NEMP2: variants seen among roughly 807,000 people sequenced by gnomAD.
NEMP2 encodes the protein nuclear envelope integral membrane protein 2, also known as UPF0571 transmembrane protein.
NEMP2 carries 53 observed loss-of-function variants against 54.2 expected under a neutral mutation model. That is an observed-to-expected ratio of 0.98 (90% CI 0.78 to 1.23). The LOEUF is 1.23. NEMP2 is among the 50% of genes most tolerant of loss of function. NEMP2 has a pLI of 0.00. For synonymous variants in NEMP2, 197 were observed against 190.3 expected, an observed-to-expected ratio of 1.04 and a Z score of -0.29; for missense variants, 455 against 511.3, an observed-to-expected ratio of 0.89 and a Z score of 1.06.
rs1180656930 is a variant in NEMP2 at position 190,512,922 on chromosome 2, C to G, written c.953+1531G>C. Among the ~76,000 whole-genome samples, 1 of 152,248 alleles carries G rather than the reference C, an allele frequency of 6.6e-6. No homozygotes were observed. The highest frequency in any genetic ancestry group is 1.5e-5 in the Non-Finnish European group (1 of 68,042). ...CCTGTGATATTGCCACACACACACA[C>G]AGTCACCAGTTCCATAAACTACCAG... On this transcript the variant is annotated intron_variant, in intron 7 of 8. Coordinates refer to ENST00000409150, the MANE Select transcript of NEMP2 (RefSeq NM_001142645.2). The surrounding 1 kb of genome is among the most constrained non-coding windows in gnomAD (Gnocchi z 4.5).
the NEMP2 span, among the ~76,000 whole-genome samples, chr2:190,540,735 G>C: frequency 6.6e-6 from 1 of 152,120 alleles, no homozygotes; most frequent in East Asian, 1.9e-4. Context: ...TCAAGGTAAT[G>C]GTGGCCTCTT....
At chr2:190,443,817 G>A in the NEMP2 span, among the ~76,000 whole-genome samples, 1 of 152,332 alleles carries the variant, frequency 6.6e-6, no homozygotes, top group Non-Finnish European at 1.5e-5. The surrounding 1 kb of genome is among the most constrained non-coding windows in gnomAD (Gnocchi z 4.2). Context: ...CACTTTGGGA[G>A]GCTGAGGCAG....
chr2:190,431,512 G>A, the NEMP2 span, among the ~76,000 whole-genome samples: 4 of 152,210 alleles, frequency 2.6e-5, no homozygotes, highest in Non-Finnish European at 4.4e-5. This position sits in a 1 kb window ranked among gnomAD's most constrained non-coding sequence, Gnocchi z 4.4. Context: ...AGACTAGCCC[G>A]GCCAACACAG....
At chr2:190,571,204 A>G in the NEMP2 span, among the ~76,000 whole-genome samples, 1 of 152,224 alleles carries the variant, frequency 6.6e-6, no homozygotes, top group African/African-American at 2.4e-5. Flanking sequence ...CATGTAAAGT[A>G]CTTAAAATAG....
At chr2:190,517,239 A>G (rs1383620601) in intron 5 of NEMP2, among the ~76,000 whole-genome samples, 4 of 152,098 alleles carry the variant, frequency 2.6e-5, no homozygotes, top group Admixed American at 2.6e-4. Flanking sequence ...TTTTCACTCA[A>G]TATAGAAATA....
At chr2:190,447,961 G>A in the NEMP2 span, among the ~76,000 whole-genome samples, 5 of 152,152 alleles carry the variant, frequency 3.3e-5, no homozygotes, top group African/African-American at 7.2e-5. The surrounding 1 kb of genome is among the most constrained non-coding windows in gnomAD (Gnocchi z 4.5). Context: ...TAGTTAAGAA[G>A]AAAAGGCCAT....
chr2:190,526,982 TTC>T (rs2125340138), intron 1 of NEMP2, among the ~76,000 whole-genome samples: 1 of 152,320 alleles, frequency 6.6e-6, no homozygotes, highest in Non-Finnish European at 1.5e-5. Flanking sequence ...AGTAATGATG[TTC>T]ATTTTCTTCT....
Position 190,529,109 on chromosome 2 carries a change from C to T in NEMP2, c.98-3731G>A, listed in dbSNP as rs970227111. ...TGTAATTTCGCTTGAACCTGGGAGGCGAGGTTGCAGTGAGCTGAGATCACA... is the reference window on the plus strand; with the variant it reads ...TGTAATTTCGCTTGAACCTGGGAGGTGAGGTTGCAGTGAGCTGAGATCACA... On this transcript the variant is annotated intron_variant, in intron 1 of 8. Transcript: ENST00000409150. This position sits in a 1 kb window ranked among gnomAD's most constrained non-coding sequence, Gnocchi z 4.7. 6.6e-6 allele frequency among the ~76,000 whole-genome samples: 1 copy of T among 151,996 alleles called. No homozygotes were observed. Among genetic ancestry groups the T allele is most frequent in the Non-Finnish European group, 1.5e-5 (1 of 67,988 alleles).
rs1175166653 is a variant in NEMP2, at chr2:190,531,784, A to G, written c.97+2775T>C. ...TAAATGTAAGTATATGTTTAAGTTA[A>G]AGAGTTGAGTCATATATACGGAAAA... On this transcript the variant is annotated intron_variant, in intron 1 of 8. Transcript: ENST00000409150. The surrounding 1 kb of genome is among the most constrained non-coding windows in gnomAD (Gnocchi z 4.7). 6.6e-6 allele frequency among the ~76,000 whole-genome samples: 1 copy of G among 152,180 alleles called. No homozygotes were observed. The highest frequency in any genetic ancestry group is 1.5e-5 in the Non-Finnish European group (1 of 68,034).
chr2:190,430,450 A>G, the NEMP2 span, among the ~76,000 whole-genome samples: 6 of 151,636 alleles, frequency 4.0e-5, no homozygotes, highest in Non-Finnish European at 8.8e-5. Context: ...AACAAAGCAC[A>G]TCTTGCACCG....
rs1206201399 is a variant in NEMP2, at chr2:190,509,857, G to A, written c.1130+504C>T. On this transcript the variant is annotated intron_variant, in intron 8 of 8. Transcript: ENST00000409150. The surrounding 1 kb of genome is among the most constrained non-coding windows in gnomAD (Gnocchi z 6.1). ...GTTAGAGACCAGCCTGACCAACATG[G>A]TGAAACCCCATCTCTACTGAAAATA... 6.6e-6 allele frequency among the ~76,000 whole-genome samples: 1 copy of A among 152,216 alleles called. No individual in the cohort carries two copies. The highest frequency in any genetic ancestry group is 1.5e-5 in the Non-Finnish European group (1 of 68,036).
the NEMP2 span, among the ~76,000 whole-genome samples, chr2:190,638,896 C>T: frequency 6.6e-6 from 1 of 152,174 alleles, no homozygotes; most frequent in Non-Finnish European, 1.5e-5. The surrounding 1 kb of genome is among the most constrained non-coding windows in gnomAD (Gnocchi z 5.7). Flanking sequence ...GGCCAGTTTT[C>T]TGCAGCTAAA....
the NEMP2 span, chr2:190,477,240 G>T: frequency 1.0e-6 from 1 of 982,624 alleles, no homozygotes; most frequent in Non-Finnish European, 1.2e-6. Context: ...GGAACTGCAG[G>T]TAAGAATGAT....
At chr2:190,572,018 A>G in the NEMP2 span, among the ~76,000 whole-genome samples, 1 of 152,264 alleles carries the variant, frequency 6.6e-6, no homozygotes, top group South Asian at 2.1e-4. Flanking sequence ...GCTGTTCAAA[A>G]TGATGAAATT....
intron 2 of NEMP2, among the ~76,000 whole-genome samples, chr2:190,524,804 C>T (rs1690874582): frequency 6.6e-6 from 1 of 152,114 alleles, no homozygotes; most frequent in Non-Finnish European, 1.5e-5. Flanking sequence ...AGAAATAGTT[C>T]CTGGTACTTA....
chr2:190,435,919 C>T, the NEMP2 span: 7 of 1,350,778 alleles, frequency 5.2e-6, no homozygotes, highest in Admixed American at 5.0e-5. Flanking sequence ...AGATGAAGTT[C>T]TGTGTTTACA....
Position 190,512,335 on chromosome 2 carries a change from G to A in NEMP2, c.954-1798C>T, listed in dbSNP as rs1217137746. On this transcript the variant is annotated intron_variant, in intron 7 of 8. Transcript: ENST00000409150. This position sits in a 1 kb window ranked among gnomAD's most constrained non-coding sequence, Gnocchi z 4.5. Reference sequence around the variant, plus strand: ...TATTTTGTGTAGGGTTCTTAGCACTGTAAGTGGCCTATAGTAGGTGTTCAA... The same window carrying A: ...TATTTTGTGTAGGGTTCTTAGCACTATAAGTGGCCTATAGTAGGTGTTCAA... Among the ~76,000 whole-genome samples the A allele has an allele frequency of 1.3e-5, 2 of 152,150 alleles. No individual in the cohort carries two copies. The highest frequency in any genetic ancestry group is 1.3e-4 in the Admixed American group (2 of 15,274).
the NEMP2 span, among the ~76,000 whole-genome samples, chr2:190,458,853 C>G: frequency 4.6e-5 from 7 of 152,228 alleles, no homozygotes; most frequent in African/African-American, 1.4e-4. This position sits in a 1 kb window ranked among gnomAD's most constrained non-coding sequence, Gnocchi z 5.3. Context: ...TCTATTAGCT[C>G]TGTCTCCTTT....
the NEMP2 span, among the ~76,000 whole-genome samples, chr2:190,643,023 GTTT>G: frequency 2.3e-3 from 184 of 79,546 alleles, no homozygotes; most frequent in Middle Eastern, 9.4e-3. Context: ...AATGGTTAAG[GTTT>G]TTTTTTTTTT....
Sources: gnomAD v4.1 joint callset for allele counts (sites outside exome capture counted in the v4.1 genomes callset) on GRCh38, gnomAD v4.1.1 for gene constraint, Gnocchi (gnomAD v3.1) non-coding constraint, MANE v1.5 for transcripts, NCBI Gene and HGNC (gene_info 2026-07-23, HGNC 2026-07-21) for gene names.